Variants in NEK11 observed in about 807,000 individuals in gnomAD.
The protein encoded by NEK11 is NIMA related kinase 11, also known as serine/threonine-protein kinase Nek11.
Under a neutral mutation model 80.7 loss-of-function variants are expected in NEK11, and 72 were observed. The ratio of observed to expected loss-of-function variants is 0.89; its 90% CI spans 0.74 to 1.08. NEK11 has a LOEUF of 1.08. NEK11 is among the 50% of genes least tolerant of loss of function. The pLI, the probability that NEK11 is intolerant of heterozygous loss-of-function variation, is 0.00. For missense variants in NEK11, 764 were observed against 763.6 expected (o/e 1.00, Z -0.01); for synonymous variants, 251 against 260.7 (o/e 0.96, Z 0.36).
chr3:131,228,707 C>A lies in NEK11; in HGVS notation c.1560+19C>A. 6.2e-7 allele frequency: 1 copy of A among 1,606,218 alleles called. No homozygotes were observed. The highest frequency in any genetic ancestry group is 1.1e-5 in the South Asian group (1 of 89,488). ...CCAACAGGTATGTAATGCTCCCTGT[C>A]GGAAGCCATGGAACTGTTCAAGGTA... is the stretch of plus-strand genomic sequence containing the variant. On this transcript the variant is annotated intron_variant, in intron 15 of 17. Transcript: ENST00000383366.
At chr3:131,285,288 G>T (rs1336190389) in intron 17 of NEK11, among the ~76,000 whole-genome samples, 1 of 151,136 alleles carries the variant, frequency 6.6e-6, no homozygotes, top group Non-Finnish European at 1.5e-5. Context: ...ACAGGAGTGG[G>T]TAGAGAGAGA....
chr3:131,123,142 C>T (rs2082680793), intron 5 of NEK11, among the ~76,000 whole-genome samples: 1 of 152,136 alleles, frequency 6.6e-6, no homozygotes, highest in East Asian at 1.9e-4. Context: ...TTTTGGCTTA[C>T]TGTAACCACA....
Position 131,242,015 on chromosome 3 carries a change from T to C in NEK11, c.1561-1421T>C, listed in dbSNP as rs373475022. 1.9e-4 allele frequency among the ~76,000 whole-genome samples: 29 copies of C among 152,308 alleles called. No homozygotes were observed. The East Asian group carries it at 2.7e-3, about 14-fold the overall frequency. Reference sequence around the variant, plus strand: ...AAAAGGGAGATTCCTTCAGATATGATAGTTTTTTCCTGTGGCTGCTAGGCA... The same window carrying C: ...AAAAGGGAGATTCCTTCAGATATGACAGTTTTTTCCTGTGGCTGCTAGGCA... On this transcript the variant is annotated intron_variant, in intron 15 of 17. Coordinates refer to ENST00000383366, the MANE Select transcript of NEK11 (RefSeq NM_024800.5).
chr3:131,116,978 T>C (rs1411382275), intron 5 of NEK11, among the ~76,000 whole-genome samples: 1 of 152,210 alleles, frequency 6.6e-6, no homozygotes, highest in Non-Finnish European at 1.5e-5. Context: ...CTCTTTAGTT[T>C]AATTAGATCC....
chr3:131,269,143 G>A (rs2096125339), intron 16 of NEK11, among the ~76,000 whole-genome samples: 1 of 152,218 alleles, frequency 6.6e-6, no homozygotes, highest in Non-Finnish European at 1.5e-5. Flanking sequence ...ATCCCAGGTT[G>A]ACTTCAGACT....
chr3:131,069,942 C>A (rs1250765971), intron 3 of NEK11, among the ~76,000 whole-genome samples: 3 of 151,228 alleles, frequency 2.0e-5, no homozygotes, highest in Non-Finnish European at 4.4e-5. Flanking sequence ...CTAACCTGCA[C>A]AATGTGCACA....
intron 17 of NEK11, among the ~76,000 whole-genome samples, chr3:131,298,450 G>A (rs1306749002): frequency 1.3e-5 from 2 of 152,128 alleles, no homozygotes; most frequent in African/African-American, 2.4e-5. Flanking sequence ...ATTCACTCAT[G>A]ATTTGGCTCT....
At chr3:131,134,560 C>A (rs1560573721) in intron 7 of NEK11, among the ~76,000 whole-genome samples, 1 of 152,090 alleles carries the variant, frequency 6.6e-6, no homozygotes, top group Non-Finnish European at 1.5e-5. Flanking sequence ...ACCACCACGC[C>A]TGGCTAATTT....
chr3:131,316,721 T>G (rs116466987), intron 17 of NEK11, among the ~76,000 whole-genome samples: 2,602 of 152,258 alleles, frequency 0.017, 63 homozygotes, highest in African/African-American at 0.058. Flanking sequence ...AGGGAAAACC[T>G]AGGCATGCCA....
At chr3:131,342,702 T>C (rs944708693) in intron 17 of NEK11, among the ~76,000 whole-genome samples, 1 of 152,214 alleles carries the variant, frequency 6.6e-6, no homozygotes, top group Non-Finnish European at 1.5e-5. Flanking sequence ...ATAACGTACA[T>C]GATAGTAAAT....
chr3:131,115,421 C>T (rs1034266076), intron 5 of NEK11, among the ~76,000 whole-genome samples: 3 of 151,938 alleles, frequency 2.0e-5, no homozygotes, highest in Admixed American at 6.6e-5. Flanking sequence ...ACAGTGCAGC[C>T]GTAGAGGAGA....
At chr3:131,228,460 A>T in intron 14 of NEK11, 68 bp from the exon 15 acceptor site, 2 of 1,358,010 alleles carry the variant, frequency 1.5e-6, no homozygotes, top group Non-Finnish European at 2.0e-6. Flanking sequence ...CTGTGAAAAG[A>T]TACAGTATTC....
At chr3:131,219,716 T>A (rs2094957611) in intron 14 of NEK11, among the ~76,000 whole-genome samples, 1 of 152,176 alleles carries the variant, frequency 6.6e-6, no homozygotes, top group South Asian at 2.1e-4. Flanking sequence ...TCCAGAACTC[T>A]GGGAAATAAA....
At chr3:131,124,738 A>G (rs539994556) in intron 5 of NEK11, among the ~76,000 whole-genome samples, 1 of 152,324 alleles carries the variant, frequency 6.6e-6, no homozygotes, top group African/African-American at 2.4e-5. Context: ...CAACATACTC[A>G]TGTACAGCAT....
intron 5 of NEK11, among the ~76,000 whole-genome samples, chr3:131,124,686 G>A (rs1021809638): frequency 6.6e-6 from 1 of 152,204 alleles, no homozygotes; most frequent in African/African-American, 2.4e-5. Flanking sequence ...AACACAGTTA[G>A]TAAATACTGT....
intron 3 of NEK11, chr3:131,072,367 T>G (rs1339324862): frequency 6.6e-6 from 1 of 152,304 alleles, no homozygotes; most frequent in East Asian, 1.9e-4. Context: ...CTTCTCTTTT[T>G]ATCAGTGAGG....
intron 17 of NEK11, among the ~76,000 whole-genome samples, chr3:131,274,603 C>T (rs1330008530): frequency 2.1e-5 from 3 of 144,352 alleles, no homozygotes; most frequent in African/African-American, 7.6e-5. Context: ...TATTTCTCCA[C>T]ATCCTCTCCA....
At chr3:131,279,269 G>A (rs1164370955) in intron 17 of NEK11, among the ~76,000 whole-genome samples, 1 of 152,006 alleles carries the variant, frequency 6.6e-6, no homozygotes, top group Non-Finnish European at 1.5e-5. Context: ...AGAATCGCTT[G>A]AACCCAGGAG....
chr3:131,031,964 G>T (rs557700694), intron 3 of NEK11, among the ~76,000 whole-genome samples: 90 of 135,048 alleles, frequency 6.7e-4, no homozygotes, highest in African/African-American at 4.7e-4. Flanking sequence ...AAATTAATCA[G>T]TTTTTTTTTT....
Sources: gnomAD v4.1 joint callset for allele counts (sites outside exome capture counted in the v4.1 genomes callset) on GRCh38, gnomAD v4.1.1 for gene constraint, MANE v1.5 for transcripts, NCBI Gene and HGNC (gene_info 2026-07-23, HGNC 2026-07-21) for gene names.